The following PTK2 variants were observed in gnomAD, a reference collection of about 807,000 sequenced individuals.
The protein encoded by PTK2 is protein tyrosine kinase 2, also known as focal adhesion kinase 1.
PTK2 carries 45 observed loss-of-function variants against 150.1 expected under a neutral mutation model. The observed-to-expected ratio is 0.30, with a 90% CI of 0.24 to 0.38. PTK2 has a LOEUF of 0.38. Ranked by LOEUF, PTK2 falls within the 10% of genes least tolerant of loss-of-function variation. The pLI, the probability that PTK2 is intolerant of heterozygous loss-of-function variation, is 1.00. For missense variants in PTK2, 919 were observed against 1,307.3 expected (o/e 0.70, Z 4.58); for synonymous variants, 432 against 449.2 (o/e 0.96, Z 0.48).
chr8:140,782,518 G>A (rs756018368), intron 14 of PTK2, among the ~76,000 whole-genome samples: 6 of 152,142 alleles, frequency 3.9e-5, no homozygotes, highest in African/African-American at 4.8e-5. Context: ...GACTACAGGC[G>A]TGAGGCACTG....
At chr8:140,752,099 T>C (rs2100063059) in intron 17 of PTK2, 133 bp downstream of exon 20, 2 of 792,452 alleles carry the variant, frequency 2.5e-6, no homozygotes, top group Non-Finnish European at 2.1e-6. Flanking sequence ...TAGACATTAA[T>C]TTGCAAGGCA....
intron 8 of PTK2, among the ~76,000 whole-genome samples, chr8:140,823,436 G>A (rs1310382721): frequency 6.6e-6 from 1 of 151,588 alleles, no homozygotes; most frequent in Admixed American, 6.6e-5. Flanking sequence ...ATGAAGTAAC[G>A]GAGATAGAAG....
chr8:140,735,222 C>A lies in PTK2; in HGVS notation c.2030+29G>T, dbSNP rs754861650. ...AGAAGCAGCATAATCTGCCCCCACC[C>A]CCAGGCCCTCTCTCCCGCCAACTCC... is the stretch of plus-strand genomic sequence containing the variant. On this transcript the variant is annotated intron_variant, in intron 22 of 31. Coordinates refer to ENST00000522684, the Ensembl canonical transcript of PTK2. 30 of 1,601,318 alleles carry A rather than the reference C, an allele frequency of 1.9e-5. No homozygotes were observed. In the East Asian group the frequency reaches 6.7e-4, roughly 36 times the overall value.
intron 1 of PTK2, among the ~76,000 whole-genome samples, chr8:140,944,949 T>C (rs2100177169): frequency 6.6e-6 from 1 of 152,222 alleles, no homozygotes; most frequent in Non-Finnish European, 1.5e-5. Context: ...ATTTTCTCTA[T>C]ATAGCTACGC....
chr8:140,782,240 G>A (rs1289533424), intron 14 of PTK2, among the ~76,000 whole-genome samples: 1 of 123,998 alleles, frequency 8.1e-6, no homozygotes, highest in African/African-American at 3.7e-5. Flanking sequence ...TTAAAATTTG[G>A]TTGTTTTTTT....
At chr8:140,675,052 T>G (rs576833583) in intron 28 of PTK2, among the ~76,000 whole-genome samples, 1 of 136,172 alleles carries the variant, frequency 7.3e-6, no homozygotes, top group South Asian at 2.4e-4. Context: ...GGTGACAGAG[T>G]GAGACTCTGT....
chr8:140,906,575 A>G (rs2100160961), intron 2 of PTK2, among the ~76,000 whole-genome samples: 1 of 152,190 alleles, frequency 6.6e-6, no homozygotes, highest in Admixed American at 6.5e-5. Context: ...AAAGACAAAT[A>G]TGGCATGTTC....
chr8:140,936,937 T>C (rs2154608711), intron 1 of PTK2, among the ~76,000 whole-genome samples: 1 of 152,324 alleles, frequency 6.6e-6, no homozygotes, highest in South Asian at 2.1e-4. Context: ...ATAAAGCTAT[T>C]ATAATGACTA....
intron 14 of PTK2, among the ~76,000 whole-genome samples, chr8:140,775,314 T>C (rs1334280242): frequency 6.6e-6 from 1 of 151,996 alleles, no homozygotes; most frequent in Non-Finnish European, 1.5e-5. Context: ...GGCAAAATAC[T>C]CTCTTTACAA....
chr8:140,697,419 TG>T (rs869112760), intron 26 of PTK2, among the ~76,000 whole-genome samples: 1 of 31,612 alleles, frequency 3.2e-5, no homozygotes, highest in African/African-American at 2.9e-4. Flanking sequence ...ATACGGTTTG[TG>T]TGTGTGTGTG....
intron 1 of PTK2, among the ~76,000 whole-genome samples, chr8:140,999,079 G>C (rs1416285204): frequency 6.6e-6 from 1 of 152,150 alleles, no homozygotes; most frequent in Middle Eastern, 3.2e-3. Flanking sequence ...TGGGCTTCCA[G>C]CCTCAAATAA....
chr8:140,682,757 G>C (rs1196370741), intron 27 of PTK2, among the ~76,000 whole-genome samples: 1 of 152,062 alleles, frequency 6.6e-6, no homozygotes, highest in African/African-American at 2.4e-5. Context: ...ACCTGCTCCT[G>C]AATGACTTCT....
intron 2 of PTK2, among the ~76,000 whole-genome samples, chr8:140,911,444 A>G (rs562008190): frequency 2.0e-4 from 30 of 152,304 alleles, no homozygotes; most frequent in African/African-American, 6.0e-4. Flanking sequence ...GCTGATGTAT[A>G]TAATTTTCCC....
intron 10 of PTK2, among the ~76,000 whole-genome samples, chr8:140,804,657 C>A (rs1159034235): frequency 6.6e-6 from 1 of 152,188 alleles, no homozygotes; most frequent in East Asian, 1.9e-4. Context: ...TTGGTTAAGG[C>A]CACTCTGTCA....
At position 140,950,016 on chromosome 8, in the gene PTK2, C is replaced by T. The variant is rs72685787; in HGVS notation, c.-121-24267G>A. Among the ~76,000 whole-genome samples, 105 of 101,672 alleles carry T rather than the reference C, an allele frequency of 1.0e-3. 1 individual carries two copies. In the Middle Eastern group the frequency reaches 0.03, roughly 29 times the overall value. 66.7% of individuals were successfully genotyped at this position (101,672 alleles called of 152,430 possible). A position where few individuals can be genotyped will look rare whatever the true frequency, so the allele number is the denominator to read the frequency against. On this transcript the variant is annotated intron_variant, in intron 1 of 31. Transcript: ENST00000522684. ...ACCAGCTGCAGGAAGGAGCTACCCA[C>T]TTTGGGTCTCTTCAACTCACCAGGA...
At chr8:140,841,411 T>C (rs1174675682) in intron 7 of PTK2, among the ~76,000 whole-genome samples, 1 of 152,150 alleles carries the variant, frequency 6.6e-6, no homozygotes, top group Non-Finnish European at 1.5e-5. Context: ...CTGAGCATAA[T>C]GTCATTAAGC....
intron 2 of PTK2, among the ~76,000 whole-genome samples, chr8:140,899,508 C>CA (rs935906932): frequency 2.0e-5 from 3 of 152,012 alleles, no homozygotes; most frequent in Admixed American, 6.5e-5. Flanking sequence ...ATGAATTTTA[C>CA]AAAAAACATT....
chr8:140,870,963 C>T (rs2100142138), intron 4 of PTK2, among the ~76,000 whole-genome samples: 1 of 151,758 alleles, frequency 6.6e-6, no homozygotes, highest in African/African-American at 2.4e-5. Context: ...CCTGTTACAA[C>T]TGAAGAGGGT....
chr8:140,956,824 G>A (rs1417429843), intron 1 of PTK2, among the ~76,000 whole-genome samples: 1 of 152,186 alleles, frequency 6.6e-6, no homozygotes, highest in Non-Finnish European at 1.5e-5. Flanking sequence ...CAGCACTTTG[G>A]GAGGCTGTGG....
Sources: allele counts gnomAD v4.1 joint callset (sites outside exome capture counted in the v4.1 genomes callset), GRCh38; gene constraint gnomAD v4.1.1; transcripts MANE v1.5; gene names NCBI Gene and HGNC (gene_info 2026-07-23, HGNC 2026-07-21).